BLTP1: variants seen among roughly 807,000 people sequenced by gnomAD.
The protein encoded by BLTP1 is bridge-like lipid transfer protein family member 1.
chr4:122,225,591 G>T, the BLTP1 span: 5 of 151,880 alleles, frequency 3.3e-5, no homozygotes, highest in Non-Finnish European at 7.4e-5. Context: ...ATCGTCAGAG[G>T]GTAGCAAAAA....
chr4:122,282,173 G>T, the BLTP1 span: 1 of 673,042 alleles, frequency 1.5e-6, no homozygotes, highest in Non-Finnish European at 1.8e-6. Flanking sequence ...GTATGGTTTT[G>T]TGACCCTTAT....
the BLTP1 span, chr4:122,282,140 A>G: frequency 3.2e-6 from 3 of 940,290 alleles, no homozygotes; most frequent in South Asian, 1.5e-4. Context: ...GGGTCATTTG[A>G]TTTCTTCAAA....
the BLTP1 span, chr4:122,187,354 G>C: frequency 6.3e-7 from 1 of 1,577,406 alleles, no homozygotes; most frequent in South Asian, 1.2e-5. Context: ...GTGAGGTATG[G>C]TATTGTGAGG....
the BLTP1 span, among the ~76,000 whole-genome samples, chr4:122,280,674 A>C: frequency 1.3e-5 from 2 of 151,818 alleles, no homozygotes; most frequent in Non-Finnish European, 2.9e-5. Flanking sequence ...AAAAAAAAAA[A>C]AAAAAAAACA....
the BLTP1 span, chr4:122,219,117 G>T: frequency 1.0e-6 from 1 of 983,312 alleles, no homozygotes; most frequent in Non-Finnish European, 1.2e-6. Context: ...CTATAAAATA[G>T]GCTCTGTAAC....
At chr4:122,287,791 G>A in the BLTP1 span, 1 of 723,880 alleles carries the variant, frequency 1.4e-6, no homozygotes, top group Non-Finnish European at 1.7e-6. Context: ...CGAAAAAATA[G>A]TGTTCAGATT....
the BLTP1 span, among the ~76,000 whole-genome samples, chr4:122,278,791 C>A: frequency 6.6e-6 from 1 of 152,100 alleles, no homozygotes; most frequent in East Asian, 1.9e-4. Flanking sequence ...GCCACTATAC[C>A]CAGCTAATTT....
the BLTP1 span, among the ~76,000 whole-genome samples, chr4:122,302,923 G>T: frequency 6.6e-6 from 1 of 152,208 alleles, no homozygotes; most frequent in Non-Finnish European, 1.5e-5. Context: ...AGCTAGCAGA[G>T]ATTGGTTCAT....
the BLTP1 span, chr4:122,336,436 A>T: frequency 1.1e-6 from 1 of 885,750 alleles, no homozygotes; most frequent in Non-Finnish European, 1.6e-6. Context: ...GCTATTATAC[A>T]TTATTACATA....
the BLTP1 span, among the ~76,000 whole-genome samples, chr4:122,279,026 A>G: frequency 1.2e-3 from 188 of 152,324 alleles, 1 homozygote; most frequent in African/African-American, 4.4e-3. Flanking sequence ...TGGTAAAGCT[A>G]TGTTTAATCT....
chr4:122,152,527 C>T, the BLTP1 span: 6 of 985,922 alleles, frequency 6.1e-6, no homozygotes, highest in Non-Finnish European at 6.0e-6. Context: ...GCCCAAGGCC[C>T]TCGGCGTTCC....
the BLTP1 span, chr4:122,235,162 T>G: frequency 1.1e-6 from 1 of 878,190 alleles, no homozygotes; most frequent in Non-Finnish European, 1.7e-6. Flanking sequence ...ATAATCCACC[T>G]TTGTTTTGCA....
the BLTP1 span, among the ~76,000 whole-genome samples, chr4:122,278,134 G>A: frequency 6.6e-6 from 1 of 151,902 alleles, no homozygotes; most frequent in Non-Finnish European, 1.5e-5. Flanking sequence ...ATTCAGTTAC[G>A]AGGGGGCTTC....
the BLTP1 span, chr4:122,223,206 A>G: frequency 1.1e-6 from 1 of 939,532 alleles, no homozygotes; most frequent in Non-Finnish European, 1.3e-6. Context: ...GAATTTTTTT[A>G]AAAAAAGTTT....
At chr4:122,280,107 G>C in the BLTP1 span, 1 of 1,526,272 alleles carries the variant, frequency 6.6e-7, no homozygotes, top group Non-Finnish European at 8.7e-7. Flanking sequence ...TATGGACAGT[G>C]GAGCAAGAGG....
the BLTP1 span, chr4:122,350,292 A>C: frequency 3.0e-6 from 3 of 985,296 alleles, no homozygotes; most frequent in South Asian, 9.4e-5. Flanking sequence ...CCCCTGCTGC[A>C]GTGCATCTGC....
the BLTP1 span, chr4:122,269,173 T>C: frequency 7.8e-6 from 4 of 509,766 alleles, no homozygotes; most frequent in Non-Finnish European, 1.0e-5. Flanking sequence ...TATATATAAA[T>C]ATGTTTATAT....
the BLTP1 span, chr4:122,336,538 C>A: frequency 1.7e-6 from 1 of 578,620 alleles, no homozygotes; most frequent in Non-Finnish European, 2.2e-6. Context: ...AAACTAAGTC[C>A]TGGTGAGGTT....
At chr4:122,286,712 T>C in the BLTP1 span, 5 of 1,613,896 alleles carry the variant, frequency 3.1e-6, no homozygotes, top group Admixed American at 5.0e-5. Flanking sequence ...TCGGATCAGG[T>C]GTGGAGTATA....
Sources: gnomAD v4.1 joint callset for allele counts (sites outside exome capture counted in the v4.1 genomes callset) on GRCh38, gnomAD v4.1.1 for gene constraint, MANE v1.5 for transcripts, NCBI Gene and HGNC (gene_info 2026-07-23, HGNC 2026-07-21) for gene names.